Variants in FCHSD1 observed in about 807,000 individuals in gnomAD.
FCHSD1 encodes the protein F-BAR and double SH3 domains protein 1.
A neutral mutation model predicts 101.3 loss-of-function variants in FCHSD1; 109 were observed. That is an observed-to-expected ratio of 1.08 (90% CI 0.92 to 1.26). The LOEUF is 1.26. FCHSD1 is among the 50% of genes most tolerant of loss of function. The pLI, the probability that FCHSD1 is intolerant of heterozygous loss-of-function variation, is 0.00. For synonymous variants in FCHSD1, 291 were observed against 356.8 expected (o/e 0.82, Z 2.08); for missense variants, 820 against 895.8 (o/e 0.92, Z 1.08).
Position 141,648,957 on chromosome 5 carries a change from C to G in FCHSD1, c.576G>C (p.Lys192Asn). 2 of 1,613,972 alleles carry G rather than the reference C, an allele frequency of 1.2e-6. No individual in the cohort carries two copies. The highest frequency in any genetic ancestry group is 1.7e-6 in the Non-Finnish European group (2 of 1,179,876). ...CCACTCATGCCCTCATCCCTCGAAC[C>G]TTGGTGCTCAGTTTCTGGAGACTGG... ...SRTSLQKLSTKLSAQSAQYSQ... is the reference protein window; with the variant it reads ...SRTSLQKLSTNLSAQSAQYSQ... Residue 192 changes from lysine (K) to asparagine (N), a missense_variant and splice_region_variant, in exon 7 of 20, where the codon AAG becomes AAC. Physicochemically the swap from Lys to Asn is moderately conservative, Grantham distance 94. Transcript: ENST00000435817.
chr5:141,649,859 T>C lies in FCHSD1; in HGVS notation c.233+28A>G. The C allele has an allele frequency of 6.5e-7, 1 of 1,541,778 alleles. No homozygotes were observed. ...GAGCTCCCCATCACTTTTTGGCCTC[T>C]GTGGCCCTCCCCCTCCATAGGGCCC... is the stretch of plus-strand genomic sequence containing the variant. On this transcript the variant is annotated intron_variant, in intron 4 of 19. Coordinates refer to ENST00000435817, the MANE Select transcript of FCHSD1 (RefSeq NM_033449.3). This position sits in a 1 kb window ranked among gnomAD's most constrained non-coding sequence, Gnocchi z 4.1.
chr5:141,646,651 C>A lies in FCHSD1; in HGVS notation c.996G>T (p.Leu332Phe). 1 of 1,613,100 alleles carries A rather than the reference C, an allele frequency of 6.2e-7. No individual in the cohort carries two copies. Among genetic ancestry groups the A allele is most frequent in the South Asian group, 1.1e-5 (1 of 90,970 alleles). The change falls in exon 11 of 20, where the codon TTG becomes TTT. Residue 332 changes from leucine (L) to phenylalanine (F), a missense_variant. Leu to Phe is a conservative substitution (Grantham distance 22). Coordinates refer to ENST00000435817, the MANE Select transcript of FCHSD1 (RefSeq NM_033449.3). Reference protein sequence around the residue: ...KSGLEKEVQRLTSRAARDYKI... With the variant: ...KSGLEKEVQRFTSRAARDYKI... The stretch of plus-strand genomic sequence containing the variant: ...TGTAGTCACGGGCAGCTCGGCTGGT[C>A]AAGCGCTGAACCTCTTTCTCCAGGC...
In FCHSD1 at chr5:141,640,902, C is replaced by T. The variant is rs1289718894; in HGVS notation, c.*596G>A. ...CTGCCCCGCCTTCCCCAACACCTCG[C>T]TCCATATGATAGAGCGTGGCAGCTG... On this transcript the variant is annotated 3_prime_UTR_variant, in exon 20 of 20. Coordinates refer to ENST00000435817, the MANE Select transcript of FCHSD1 (RefSeq NM_033449.3). 3.1e-5 allele frequency: 18 copies of T among 580,640 alleles called. No homozygotes were observed. Among genetic ancestry groups the T allele is most frequent in the Non-Finnish European group, 4.6e-5 (15 of 327,760 alleles). 36.0% of individuals were successfully genotyped at this position (580,640 alleles called of 1,614,324 possible).
At chr5:141,646,551 C>T (rs930151554) in intron 11 of FCHSD1, 52 bp downstream of exon 11, 11 of 1,567,632 alleles carry the variant, frequency 7.0e-6, no homozygotes, top group East Asian at 2.3e-5. Context: ...TCTCTCAGCT[C>T]TTCTTGCTGA....
chr5:141,645,733 T>G, intron 13 of FCHSD1, 38 bp downstream of exon 13: 3 of 1,577,370 alleles, frequency 1.9e-6, no homozygotes, highest in Non-Finnish European at 2.6e-6. Flanking sequence ...GTTTTTCCCT[T>G]CTAAGTAAGG....
chr5:141,647,098 A>G (rs1451176417), intron 10 of FCHSD1, 37 bp downstream of exon 10: 7 of 1,543,090 alleles, frequency 4.5e-6, no homozygotes, highest in Non-Finnish European at 5.3e-6. Flanking sequence ...AATCGCCTTT[A>G]TATGTGGCCT....
chr5:141,646,731 G>A lies in FCHSD1; in HGVS notation c.925-9C>T. On this transcript the variant is annotated splice_polypyrimidine_tract_variant and intron_variant, in intron 10 of 19. Transcript: ENST00000435817. ...CACTCCAGGACACACACCTGAATGGGTCAGGGGGTGCTGTGAGGAGGACCT... is the reference window on the plus strand; with the variant it reads ...CACTCCAGGACACACACCTGAATGGATCAGGGGGTGCTGTGAGGAGGACCT... 3.1e-6 allele frequency: 5 copies of A among 1,611,234 alleles called. No homozygotes were observed. The highest frequency in any genetic ancestry group is 4.2e-6 in the Non-Finnish European group (5 of 1,179,390).
intron 17 of FCHSD1, 136 bp from the exon 18 acceptor site, chr5:141,643,224 G>GGGGGT: frequency 1.7e-6 from 1 of 593,146 alleles, no homozygotes; most frequent in Non-Finnish European, 2.8e-6. Context: ...TTCGGTGGGG[G>GGGGGT]GGTGTAGCTG....
At chr5:141,641,950 G>A in intron 18 of FCHSD1, 193 bp from the exon 19 acceptor site, 1 of 637,774 alleles carries the variant, frequency 1.6e-6, no homozygotes, top group South Asian at 1.9e-5. Context: ...TCTGCTCAAG[G>A]TACAAAACTA....
chr5:141,649,521 G>C lies in FCHSD1; in HGVS notation c.249C>G (p.Phe83Leu), dbSNP rs772799960. 3 of 1,612,740 alleles carry C rather than the reference G, an allele frequency of 1.9e-6. No homozygotes were observed. In the South Asian group the frequency reaches 3.3e-5, roughly 18 times the overall value. The part of the protein sequence containing the change: ...GEMDSRGRTV[F>L]GAWRCLLDAT... ...CATCCAGCAGGCAGCGCCAGGCACC[G>C]AACACTGTCCTGCCCCTCCCCAGAG... Residue 83 changes from phenylalanine to leucine, a missense_variant, in exon 5 of 20, where the codon TTC becomes TTG. Physicochemically the swap from Phe to Leu is conservative, Grantham distance 22. Coordinates refer to ENST00000435817, the MANE Select transcript of FCHSD1 (RefSeq NM_033449.3). This position sits in a 1 kb window ranked among gnomAD's most constrained non-coding sequence, Gnocchi z 4.1.
chr5:141,646,704 C>A lies in FCHSD1; in HGVS notation c.943G>T (p.Gly315Ter), dbSNP rs1363600019. 1.9e-6 allele frequency: 3 copies of A among 1,613,064 alleles called. No individual in the cohort carries two copies. Among genetic ancestry groups the A allele is most frequent in the Non-Finnish European group, 2.5e-6 (3 of 1,179,740 alleles). ...CTCTTGCCAGCCACGCCTTCTGCTCCCCACTCCAGGACACACACCTGAATG... is the reference window on the plus strand; with the variant it reads ...CTCTTGCCAGCCACGCCTTCTGCTCACCACTCCAGGACACACACCTGAATG... ...GTDQVCVLEW[G>*]AEGVAGKSGL... The change falls in exon 11 of 20, where the codon GGA becomes TGA. Residue 315 changes from glycine to a stop codon, truncating the protein, a stop_gained. Coordinates refer to ENST00000435817, the MANE Select transcript of FCHSD1 (RefSeq NM_033449.3). LOFTEE classifies it high-confidence loss of function.
Position 141,640,698 on chromosome 5 carries a change from A to G in FCHSD1, c.*800T>C. The G allele has an allele frequency of 6.5e-7, 1 of 1,534,128 alleles. No homozygotes were observed. Among genetic ancestry groups the G allele is most frequent in the Non-Finnish European group, 8.7e-7 (1 of 1,145,784 alleles). Reference sequence around the variant, plus strand: ...TCCTTCATTGTGCTGATGGACTACCAGCTGGCAGGGCCAGGGGGTGGGTGG... The same window carrying G: ...TCCTTCATTGTGCTGATGGACTACCGGCTGGCAGGGCCAGGGGGTGGGTGG... On this transcript the variant is annotated 3_prime_UTR_variant, in exon 20 of 20. Coordinates refer to ENST00000435817, the MANE Select transcript of FCHSD1 (RefSeq NM_033449.3).
Position 141,640,767 on chromosome 5 carries a change from T to C in FCHSD1, c.*731A>G. 1.7e-6 allele frequency: 2 copies of C among 1,193,592 alleles called. No homozygotes were observed. The highest frequency in any genetic ancestry group is 2.3e-6 in the Non-Finnish European group (2 of 860,872). 73.9% of individuals were successfully genotyped at this position (1,193,592 alleles called of 1,614,324 possible). A position where few individuals can be genotyped will look rare whatever the true frequency, so the allele number is the denominator to read the frequency against. Reference sequence around the variant, plus strand: ...CCACTGGACAGCACTGCCCCCCAGCTGAGGGACCAGCTCTACTTCCACCTG... The same window carrying C: ...CCACTGGACAGCACTGCCCCCCAGCCGAGGGACCAGCTCTACTTCCACCTG... On this transcript the variant is annotated 3_prime_UTR_variant, in exon 20 of 20. Transcript: ENST00000435817.
intron 18 of FCHSD1, 76 bp from the exon 19 acceptor site, chr5:141,641,833 G>A (rs1203405865): frequency 7.0e-7 from 1 of 1,421,484 alleles, no homozygotes; most frequent in Non-Finnish European, 9.9e-7. Flanking sequence ...TAGGACAGTG[G>A]CATTCTATAA....
At position 141,641,496 on chromosome 5, in the gene FCHSD1, C is replaced by A; in HGVS notation, c.*2G>T. On this transcript the variant is annotated 3_prime_UTR_variant, in exon 20 of 20. Coordinates refer to ENST00000435817, the MANE Select transcript of FCHSD1 (RefSeq NM_033449.3). ...CACTGGGGGTCAAGGCTTCCCTGGC[C>A]TTCAGGTGAGGGGATCTGGGTGGCC... 1 of 1,489,208 alleles carries A rather than the reference C, an allele frequency of 6.7e-7. No individual in the cohort carries two copies. Among genetic ancestry groups the A allele is most frequent in the African/African-American group, 1.4e-5 (1 of 71,420 alleles). 92.2% of individuals were successfully genotyped at this position (1,489,208 alleles called of 1,614,324 possible).
Position 141,649,762 on chromosome 5 carries a change from G to A in FCHSD1, c.233+125C>T. On this transcript the variant is annotated intron_variant, in intron 4 of 19. Transcript: ENST00000435817. The surrounding 1 kb of genome is among the most constrained non-coding windows in gnomAD (Gnocchi z 4.1). ...CTGGGTCAGCTCCTCTGCTGCTGCT[G>A]TGTCAGCTCTACCTACAGCTCACGT... The A allele has an allele frequency of 8.0e-7, 1 of 1,253,092 alleles. No individual in the cohort carries two copies. Among genetic ancestry groups the A allele is most frequent in the South Asian group, 1.4e-5 (1 of 71,740 alleles). The allele number at this position is 1,253,092 out of a possible 1,614,324, so 77.6% of individuals were successfully genotyped here.
At position 141,648,039 on chromosome 5, in the gene FCHSD1, G is replaced by C; in HGVS notation, c.634C>G (p.Leu212Val). 6.2e-7 allele frequency: 1 copy of C among 1,613,630 alleles called. No homozygotes were observed. Among genetic ancestry groups the C allele is most frequent in the Non-Finnish European group, 8.5e-7 (1 of 1,179,728 alleles). The change falls in exon 8 of 20, where the codon CTG (leucine) becomes GTG (valine). Residue 212 changes from leucine (L) to valine (V), a missense_variant. Transcript: ENST00000435817. Reference sequence around the variant, plus strand: ...GCATTGGTAGCCACCAAGTTAAGCAGGTACTCATTGCGGGCTGCTTGCAGC... The same window carrying C: ...GCATTGGTAGCCACCAAGTTAAGCACGTACTCATTGCGGGCTGCTTGCAGC... ...QQLQAARNEY[L>V]LNLVATNAHL...
At chr5:141,647,646 G>A in intron 8 of FCHSD1, 126 bp from the exon 9 acceptor site, 1 of 1,437,554 alleles carries the variant, frequency 7.0e-7, no homozygotes, top group Non-Finnish European at 9.5e-7. Context: ...CATTCTTCAT[G>A]AGAAAGGCCC....
Position 141,649,217 on chromosome 5 carries a change from C to T in FCHSD1, c.467G>A (p.Arg156His), listed in dbSNP as rs147798196. ...RSRKLYGQRERVWALAQEKAA... is the reference protein window; with the variant it reads ...RSRKLYGQREHVWALAQEKAA... Reference sequence around the variant, plus strand: ...CTTCTCCTGTGCCAAGGCCCACACACGTTCCCGCTGCCCATACAGCTTCCG... The same window carrying T: ...CTTCTCCTGTGCCAAGGCCCACACATGTTCCCGCTGCCCATACAGCTTCCG... The change falls in exon 6 of 20, where the codon CGT becomes CAT. Residue 156 changes from arginine (R) to histidine (H), a missense_variant. By Grantham distance (29) the Arg-to-His change is conservative (BLOSUM62 0). Coordinates refer to ENST00000435817, the MANE Select transcript of FCHSD1 (RefSeq NM_033449.3). The surrounding 1 kb of genome is among the most constrained non-coding windows in gnomAD (Gnocchi z 4.1). 259 of 1,614,022 alleles carry T rather than the reference C, an allele frequency of 1.6e-4. No homozygotes were observed. The highest frequency in any genetic ancestry group is 2.0e-4 in the Non-Finnish European group (239 of 1,179,892).
Sources: gnomAD v4.1 joint callset for allele counts on GRCh38, gnomAD v4.1.1 for gene constraint, Gnocchi (gnomAD v3.1) non-coding constraint, MANE v1.5 for transcripts, NCBI Gene and HGNC (gene_info 2026-07-23, HGNC 2026-07-21) for gene names.